Variants in ASIC2 observed in about 807,000 individuals in gnomAD.
The protein encoded by ASIC2 is acid-sensing ion channel 2.
ASIC2 carries 25 observed loss-of-function variants against 57.3 expected under a neutral mutation model. That is an observed-to-expected ratio of 0.44 (90% confidence interval 0.32 to 0.61). The LOEUF (loss-of-function observed/expected upper bound fraction) is 0.61, where lower values mean the gene tolerates loss of function less well. Ranked by LOEUF, ASIC2 falls within the 20% of genes least tolerant of loss-of-function variation. ASIC2 has a pLI of 0.06. For missense variants in ASIC2, 641 were observed against 738.1 expected (o/e 0.87, Z 1.52); for synonymous variants, 319 against 307.5 (o/e 1.04, Z -0.39).
At chr17:33,459,077 TTTTTTTG>T (rs1567619253) in intron 1 of ASIC2, among the ~76,000 whole-genome samples, 1 of 151,182 alleles carries the variant, frequency 6.6e-6, no homozygotes, top group Non-Finnish European at 1.5e-5. Flanking sequence ...ATTACCTTCG[TTTTTTTG>T]TTTTTTGTGT....
At chr17:33,206,338 C>T (rs892807972) in intron 1 of ASIC2, among the ~76,000 whole-genome samples, 1 of 152,120 alleles carries the variant, frequency 6.6e-6, no homozygotes, top group East Asian at 1.9e-4. Context: ...TTGTTGGCTG[C>T]TCTGCATTCA....
At chr17:33,833,494 C>CTG (rs1203783050) in intron 1 of ASIC2, among the ~76,000 whole-genome samples, 2 of 150,888 alleles carry the variant, frequency 1.3e-5, no homozygotes, top group Admixed American at 6.6e-5. Context: ...TTCTCTTTGT[C>CTG]TGTGTGTGTG....
At chr17:33,076,243 G>T (rs535219060) in intron 3 of ASIC2, among the ~76,000 whole-genome samples, 1 of 152,284 alleles carries the variant, frequency 6.6e-6, no homozygotes, top group East Asian at 1.9e-4. Context: ...CTATGTCCTT[G>T]CAAGTGCTAG....
intron 1 of ASIC2, among the ~76,000 whole-genome samples, chr17:33,316,991 G>A (rs776592309): frequency 6.6e-6 from 1 of 152,134 alleles, no homozygotes; most frequent in Non-Finnish European, 1.5e-5. Flanking sequence ...CTCTTTCCTG[G>A]CTCCAGGACC....
At chr17:33,598,590 A>G (rs1416284054) in intron 1 of ASIC2, among the ~76,000 whole-genome samples, 1 of 152,202 alleles carries the variant, frequency 6.6e-6, no homozygotes, top group Non-Finnish European at 1.5e-5. Flanking sequence ...AATTTTACTC[A>G]AGGAGAAGAA....
chr17:33,337,423 T>A (rs1238650573), intron 1 of ASIC2, among the ~76,000 whole-genome samples: 2 of 47,144 alleles, frequency 4.2e-5, no homozygotes, highest in Non-Finnish European at 8.7e-5. Flanking sequence ...AGGATGAGGA[T>A]TTTAACCTTG....
At chr17:34,097,110 G>A (rs1910575862) in intron 1 of ASIC2, among the ~76,000 whole-genome samples, 1 of 152,120 alleles carries the variant, frequency 6.6e-6, no homozygotes, top group Non-Finnish European at 1.5e-5. Flanking sequence ...GGAAGAAAAT[G>A]TGATCAATAT....
intron 1 of ASIC2, among the ~76,000 whole-genome samples, chr17:33,779,080 C>T (rs556301150): frequency 2.0e-5 from 3 of 152,180 alleles, no homozygotes; most frequent in African/African-American, 7.2e-5. Context: ...TCATAGGGGC[C>T]CAGACCACTT....
rs57020356 is a variant in ASIC2 at position 33,041,082 on chromosome 17, T to C, written c.988-12690A>G. 4.1e-4 allele frequency among the ~76,000 whole-genome samples: 63 copies of C among 152,174 alleles called. 1 individual carries two copies. Among genetic ancestry groups the C allele is most frequent in the African/African-American group, 1.5e-3 (61 of 41,528 alleles). The stretch of plus-strand genomic sequence containing the variant: ...CCTCCCGCTACCATCTTGAGGCACA[T>C]CTCCAGAGCCCTGGAGCCTGTTCTC... On this transcript the variant is annotated intron_variant, in intron 3 of 9. Coordinates refer to ENST00000225823, the MANE Select transcript of ASIC2 (RefSeq NM_183377.2).
chr17:33,580,445 A>G (rs1904395284), intron 1 of ASIC2, among the ~76,000 whole-genome samples: 1 of 152,326 alleles, frequency 6.6e-6, no homozygotes, highest in East Asian at 1.9e-4. Context: ...CATCAGTATC[A>G]TGAAAGAATG....
chr17:33,389,254 C>A (rs1909805973), intron 1 of ASIC2, among the ~76,000 whole-genome samples: 1 of 152,142 alleles, frequency 6.6e-6, no homozygotes, highest in Middle Eastern at 3.2e-3. Flanking sequence ...AGCCACCGTG[C>A]CTGGCTCTCT....
At chr17:33,079,544 G>C (rs539077533) in intron 3 of ASIC2, among the ~76,000 whole-genome samples, 77 of 152,258 alleles carry the variant, frequency 5.1e-4, no homozygotes, top group African/African-American at 1.8e-3. Context: ...TCATCCTGTG[G>C]TTCATGAGGG....
intron 1 of ASIC2, among the ~76,000 whole-genome samples, chr17:33,453,782 T>C (rs1912351757): frequency 6.6e-6 from 1 of 152,196 alleles, no homozygotes; most frequent in African/African-American, 2.4e-5. Context: ...TTGTAATTCA[T>C]CTCTCTCCCC....
chr17:34,016,108 G>A (rs1176441600), intron 1 of ASIC2, among the ~76,000 whole-genome samples: 1 of 152,182 alleles, frequency 6.6e-6, no homozygotes, highest in Non-Finnish European at 1.5e-5. Flanking sequence ...GTGCTCATAT[G>A]TATATTCAGG....
intron 1 of ASIC2, among the ~76,000 whole-genome samples, chr17:34,083,555 G>T (rs940775362): frequency 2.0e-5 from 3 of 152,004 alleles, no homozygotes; most frequent in African/African-American, 7.3e-5. Context: ...GGATGGCTGG[G>T]TCAAATGGTA....
At chr17:33,046,689 C>T (rs745817296) in intron 3 of ASIC2, among the ~76,000 whole-genome samples, 18 of 152,094 alleles carry the variant, frequency 1.2e-4, no homozygotes, top group Non-Finnish European at 2.4e-4. Flanking sequence ...AGGGCTTAGC[C>T]CTGAATAAAA....
chr17:33,590,639 A>G lies in ASIC2; in HGVS notation c.556-478572T>C, dbSNP rs140833233. On this transcript the variant is annotated intron_variant, in intron 1 of 9. Coordinates refer to the ASIC2 transcript ENST00000359872. ...ACCCCAGTCTCTACACTACACCCCA[A>G]TCTCTACACAACACCTCAATCTCTA... Among the ~76,000 whole-genome samples, 757 of 151,430 alleles carry G rather than the reference A, an allele frequency of 5.0e-3. 6 individuals are homozygous for G. Among genetic ancestry groups the G allele is most frequent in the African/African-American group, 0.018 (726 of 41,276 alleles).
At chr17:33,990,303 A>G (rs1905959770) in intron 1 of ASIC2, among the ~76,000 whole-genome samples, 1 of 152,230 alleles carries the variant, frequency 6.6e-6, no homozygotes, top group African/African-American at 2.4e-5. Context: ...GTTGCTTTAA[A>G]GATTGAGGCA....
At chr17:33,997,307 A>ATT (rs71147411) in intron 1 of ASIC2, among the ~76,000 whole-genome samples, 40 of 85,772 alleles carry the variant, frequency 4.7e-4, no homozygotes, top group Non-Finnish European at 7.2e-4. Context: ...TGCACGGTTA[A>ATT]TTTTTTTTTT....
Sources: gnomAD v4.1 joint callset for allele counts (sites outside exome capture counted in the v4.1 genomes callset) on GRCh38, gnomAD v4.1.1 for gene constraint, MANE v1.5 for transcripts, NCBI Gene and HGNC (gene_info 2026-07-23, HGNC 2026-07-21) for gene names.